Variants in HERC2 observed in about 807,000 individuals in gnomAD.
The protein encoded by HERC2 is HECT and RLD domain containing E3 ubiquitin protein ligase 2, also known as E3 ubiquitin-protein ligase HERC2.
Under a neutral mutation model 537.7 loss-of-function variants are expected in HERC2, and 102 were observed. The observed-to-expected ratio is 0.19, with a 90% confidence interval of 0.16 to 0.22. The LOEUF is 0.22. Among genes scored for constraint, HERC2 ranks in the 10% least tolerant of loss-of-function variants. The pLI, the probability that HERC2 is intolerant of heterozygous loss-of-function variation, is 1.00. For synonymous variants in HERC2, 2,224 were observed against 2,466.2 expected, an observed-to-expected ratio of 0.90 and a Z score of 2.91; for missense variants, 4,236 against 6,198.2, an observed-to-expected ratio of 0.68 and a Z score of 10.63.
intron 86 of HERC2, chr15:28,117,867 A>G: frequency 6.4e-6 from 2 of 310,536 alleles, no homozygotes; most frequent in South Asian, 5.6e-5. Context: ...ACCTCGGCAC[A>G]TCGGAGGGCA....
intron 9 of HERC2, chr15:28,271,989 T>C: frequency 3.7e-6 from 2 of 540,944 alleles, no homozygotes; most frequent in Non-Finnish European, 6.5e-6. Flanking sequence ...TAAAAGTGAA[T>C]GTTTCAAGCT....
intron 45 of HERC2, among the ~76,000 whole-genome samples, chr15:28,204,918 G>C (rs931662338): frequency 6.6e-6 from 1 of 152,134 alleles, no homozygotes; most frequent in African/African-American, 2.4e-5. Context: ...AGAACAAAAA[G>C]AGCAAGGCAG....
In HERC2 at chr15:28,233,695, C is replaced by A; in HGVS notation, c.4320G>T (p.Leu1440Phe). 6.2e-7 allele frequency: 1 copy of A among 1,613,906 alleles called. No individual in the cohort carries two copies. Among genetic ancestry groups the A allele is most frequent in the Non-Finnish European group, 8.5e-7 (1 of 1,179,830 alleles). ...EHPVEEVGRL[L>F]LCCLLKHEDL... ...CTTCATGTTTTAAGAGGCAACATAACAACAAGCGACCGACCTCTTCCACGG... is the reference window on the plus strand; with the variant it reads ...CTTCATGTTTTAAGAGGCAACATAAAAACAAGCGACCGACCTCTTCCACGG... The change falls in exon 28 of 93, where the codon TTG (leucine) becomes TTT (phenylalanine). Residue 1440 changes from leucine (L) to phenylalanine (F), a missense_variant. Transcript: ENST00000261609.
At chr15:28,135,345 T>C (rs1890528172) in intron 79 of HERC2, 133 bp downstream of exon 79, 1 of 710,516 alleles carries the variant, frequency 1.4e-6, no homozygotes, top group Non-Finnish European at 2.4e-6. Flanking sequence ...GCCAAATGAG[T>C]CATTAACATT....
chr15:28,247,515 G>A (rs980045609), intron 21 of HERC2, among the ~76,000 whole-genome samples: 14 of 130,742 alleles, frequency 1.1e-4, no homozygotes, highest in Admixed American at 2.7e-4. Context: ...TGCAACCTCC[G>A]CCTCCTGGGT....
intron 16 of HERC2, among the ~76,000 whole-genome samples, chr15:28,260,270 C>A (rs1222435825): frequency 6.6e-6 from 1 of 152,072 alleles, no homozygotes; most frequent in Non-Finnish European, 1.5e-5. Context: ...ACTGCATGAC[C>A]ATTTCATTTG....
At position 28,144,570 on chromosome 15, in the gene HERC2, C is replaced by T. The variant is rs1337225137; in HGVS notation, c.11140+103G>A. ...GCACTCACTCCAACACAGCAGAAGG[C>T]AGGCTGTCAGGCACTACGTGGACAT... On this transcript the variant is annotated intron_variant, in intron 72 of 92. Coordinates refer to ENST00000261609, the MANE Select transcript of HERC2 (RefSeq NM_004667.6). The T allele has an allele frequency of 6.7e-6, 10 of 1,494,720 alleles. No homozygotes were observed. In the African/African-American group the frequency reaches 1.2e-4, roughly 18 times the overall value. 92.6% of individuals were successfully genotyped at this position (1,494,720 alleles called of 1,614,324 possible).
chr15:28,112,942 T>C, intron 92 of HERC2, 129 bp downstream of exon 92: 1 of 722,766 alleles, frequency 1.4e-6, no homozygotes, highest in Non-Finnish European at 2.2e-6. Flanking sequence ...GTTCGATGTT[T>C]TCCATTTTCA....
chr15:28,163,706 C>A (rs1168502587), intron 68 of HERC2, among the ~76,000 whole-genome samples: 1 of 152,116 alleles, frequency 6.6e-6, no homozygotes, highest in African/African-American at 2.4e-5. Flanking sequence ...TGTCTAGATC[C>A]TCTCCATAAT....
intron 2 of HERC2, among the ~76,000 whole-genome samples, chr15:28,304,005 A>G (rs1428064688): frequency 6.6e-6 from 1 of 151,988 alleles, no homozygotes; most frequent in Admixed American, 6.6e-5. Flanking sequence ...GTCTCTACTA[A>G]AAATACAAAA....
At chr15:28,225,436 G>A (rs1304038611) in intron 35 of HERC2, among the ~76,000 whole-genome samples, 7 of 151,820 alleles carry the variant, frequency 4.6e-5, no homozygotes, top group Middle Eastern at 3.4e-3. Context: ...GGTGGCTCAC[G>A]CCTGTAATCC....
At position 28,177,609 on chromosome 15, in the gene HERC2, A is replaced by T; in HGVS notation, c.9164-100T>A. On this transcript the variant is annotated intron_variant, in intron 59 of 92. Coordinates refer to ENST00000261609, the MANE Select transcript of HERC2 (RefSeq NM_004667.6). This position sits in a 1 kb window ranked among gnomAD's most constrained non-coding sequence, Gnocchi z 5.0. ...TTGCCTGGCATATAGCACACACTCA[A>T]TGAGCGTGAGCTGAATAAATGAGTA... 6 of 963,742 alleles carry T rather than the reference A, an allele frequency of 6.2e-6. No homozygotes were observed. The highest frequency in any genetic ancestry group is 1.0e-5 in the Non-Finnish European group (6 of 597,684). 59.7% of individuals were successfully genotyped at this position (963,742 alleles called of 1,614,324 possible).
In HERC2 at chr15:28,113,495, C is replaced by A; in HGVS notation, c.14019+78G>T. ...GTCAACACACAGGGCAAGGTTCTGA[C>A]TCTAACTGCTGTCACTGATTTGTGG... On this transcript the variant is annotated intron_variant, in intron 91 of 92. Coordinates refer to ENST00000261609, the MANE Select transcript of HERC2 (RefSeq NM_004667.6). This position sits in a 1 kb window ranked among gnomAD's most constrained non-coding sequence, Gnocchi z 7.0. 1 of 1,309,994 alleles carries A rather than the reference C, an allele frequency of 7.6e-7. No homozygotes were observed. The highest frequency in any genetic ancestry group is 1.2e-5 in the South Asian group (1 of 83,632). The allele number at this position is 1,309,994 out of a possible 1,614,324, so 81.1% of individuals were successfully genotyped here.
chr15:28,271,094 T>C (rs932381905), intron 9 of HERC2, among the ~76,000 whole-genome samples: 1 of 152,200 alleles, frequency 6.6e-6, no homozygotes, highest in South Asian at 2.1e-4. Flanking sequence ...TGACTGCGCA[T>C]GTATACATTT....
chr15:28,111,454 T>G lies in HERC2; in HGVS notation c.*309A>C. 6 of 351,894 alleles carry G rather than the reference T, an allele frequency of 1.7e-5. No homozygotes were observed. The highest frequency in any genetic ancestry group is 2.6e-5 in the Non-Finnish European group (5 of 195,958). 21.8% of individuals were successfully genotyped at this position (351,894 alleles called of 1,614,324 possible). On this transcript the variant is annotated 3_prime_UTR_variant, in exon 93 of 93. Transcript: ENST00000261609. ...CCCACAAGTAAAAAGGCTTTATTCA[T>G]TTTGGGGATGCTGCAATTTGGTATT...
intron 15 of HERC2, among the ~76,000 whole-genome samples, chr15:28,262,038 T>TCCTTTAAGA (rs2075428462): frequency 6.6e-6 from 1 of 152,132 alleles, no homozygotes; most frequent in Non-Finnish European, 1.5e-5. Flanking sequence ...TACAATCTGG[T>TCCTTTAAGA]CCTTTAAGAA....
At chr15:28,319,490 C>G (rs201056429) in intron 2 of HERC2, among the ~76,000 whole-genome samples, 1 of 119,086 alleles carries the variant, frequency 8.4e-6, no homozygotes, top group African/African-American at 2.9e-5. Flanking sequence ...AAGGCTGAGG[C>G]GGGAGAATCA....
chr15:28,270,636 G>A, intron 10 of HERC2, 59 bp downstream of exon 10: 1 of 1,528,644 alleles, frequency 6.5e-7, no homozygotes, highest in East Asian at 2.3e-5. Context: ...CCCAGGATGA[G>A]AACCTACAAG....
In HERC2 at chr15:28,215,839, C is replaced by T. The variant is rs1429524781; in HGVS notation, c.6029-37G>A. 5.5e-6 allele frequency: 7 copies of T among 1,268,166 alleles called. No individual in the cohort carries two copies. The Admixed American group carries it at 1.5e-4, about 26-fold the overall frequency. 78.6% of individuals were successfully genotyped at this position (1,268,166 alleles called of 1,614,324 possible). ...AAAATAGACATGCTTGGTAACAAGT[C>T]CCTAAAGACAAATCCCTAAAGATAT... On this transcript the variant is annotated intron_variant, in intron 38 of 92. Coordinates refer to ENST00000261609, the MANE Select transcript of HERC2 (RefSeq NM_004667.6).
Sources: gnomAD v4.1 joint callset for allele counts (sites outside exome capture counted in the v4.1 genomes callset) on GRCh38, gnomAD v4.1.1 for gene constraint, Gnocchi (gnomAD v3.1) non-coding constraint, MANE v1.5 for transcripts, NCBI Gene and HGNC (gene_info 2026-07-23, HGNC 2026-07-21) for gene names.